Variants in MAGI1 observed in about 807,000 individuals in gnomAD.
MAGI1 encodes the protein membrane-associated guanylate kinase, WW and PDZ domain-containing protein 1.
Under a neutral mutation model 139.9 loss-of-function variants are expected in MAGI1, and 58 were observed. The observed-to-expected ratio is 0.41, with a 90% CI of 0.34 to 0.52. MAGI1 has a LOEUF of 0.52. MAGI1 is among the 20% of genes least tolerant of loss of function. MAGI1 has a pLI of 0.12. For missense variants in MAGI1, 1,874 were observed against 1,901.6 expected, an observed-to-expected ratio of 0.99 and a Z score of 0.27; for synonymous variants, 812 against 737.9, an observed-to-expected ratio of 1.10 and a Z score of -1.63.
chr3:65,692,692 GGCTCTGT>G (rs757285540), intron 1 of MAGI1, among the ~76,000 whole-genome samples: 1 of 152,102 alleles, frequency 6.6e-6, no homozygotes, highest in Non-Finnish European at 1.5e-5. Context: ...GGGTCATGAG[GGCTCTGT>G]CCTCATGAAT....
intron 2 of MAGI1, among the ~76,000 whole-genome samples, chr3:65,573,207 A>AT (rs1559683183): frequency 6.6e-6 from 1 of 152,070 alleles, no homozygotes; most frequent in Non-Finnish European, 1.5e-5. Flanking sequence ...TATACAACTC[A>AT]TTTTTTCTAC....
At chr3:65,424,858 C>T (rs1411153687) in intron 12 of MAGI1, among the ~76,000 whole-genome samples, 1 of 152,044 alleles carries the variant, frequency 6.6e-6, no homozygotes, top group African/African-American at 2.4e-5. Flanking sequence ...GGTTGTATAT[C>T]AGAATCACCA....
At chr3:66,027,787 G>A (rs971312171) in intron 1 of MAGI1, among the ~76,000 whole-genome samples, 3 of 152,138 alleles carry the variant, frequency 2.0e-5, no homozygotes, top group East Asian at 3.9e-4. Context: ...CTGACATTTT[G>A]GGCTGGATAA....
At chr3:65,646,949 A>C (rs1488449968) in intron 1 of MAGI1, among the ~76,000 whole-genome samples, 1 of 152,010 alleles carries the variant, frequency 6.6e-6, no homozygotes, top group Non-Finnish European at 1.5e-5. Flanking sequence ...AAATCAATAA[A>C]CTCTCTTATC....
At chr3:65,506,610 A>T (rs1227784089) in intron 2 of MAGI1, among the ~76,000 whole-genome samples, 1 of 152,174 alleles carries the variant, frequency 6.6e-6, no homozygotes, top group Non-Finnish European at 1.5e-5. Context: ...CAAAGTCAAC[A>T]CATTCTATAA....
At chr3:65,451,054 A>G (rs145495322) in intron 6 of MAGI1, among the ~76,000 whole-genome samples, 1,969 of 152,324 alleles carry the variant, frequency 0.013, 27 homozygotes, top group African/African-American at 0.042. Context: ...TATTAAAGAG[A>G]TAATTATAAA....
At chr3:65,574,712 A>G (rs2081102580) in intron 2 of MAGI1, among the ~76,000 whole-genome samples, 1 of 152,106 alleles carries the variant, frequency 6.6e-6, no homozygotes, top group Non-Finnish European at 1.5e-5. Context: ...TCAAGACATT[A>G]TAAATCTCCA....
chr3:65,671,264 G>A (rs2086840887), intron 1 of MAGI1, among the ~76,000 whole-genome samples: 1 of 152,184 alleles, frequency 6.6e-6, no homozygotes, highest in East Asian at 1.9e-4. Flanking sequence ...TAAAGCAGGT[G>A]TTTCTCAATC....
intron 1 of MAGI1, among the ~76,000 whole-genome samples, chr3:65,843,114 T>A (rs899738223): frequency 2.0e-5 from 3 of 152,200 alleles, no homozygotes; most frequent in African/African-American, 7.2e-5. Flanking sequence ...GACTCAATTC[T>A]AATAAAAAGA....
chr3:65,931,224 G>C (rs1156755803), intron 1 of MAGI1, among the ~76,000 whole-genome samples: 1 of 152,082 alleles, frequency 6.6e-6, no homozygotes, highest in Non-Finnish European at 1.5e-5. Context: ...TAGTAGAGAT[G>C]AGGTTTCACT....
At chr3:65,548,522 T>C (rs1430366048) in intron 2 of MAGI1, among the ~76,000 whole-genome samples, 1 of 115,480 alleles carries the variant, frequency 8.7e-6, no homozygotes, top group East Asian at 2.3e-4. Context: ...TTTTTTTTTT[T>C]TTTTTTTTTT....
chr3:65,364,798 T>A (rs923524408), intron 19 of MAGI1, 55 bp downstream of exon 19: 9 of 1,607,442 alleles, frequency 5.6e-6, no homozygotes, highest in East Asian at 4.5e-5. Context: ...ACATATATTG[T>A]CATGCTGGGA....
At chr3:65,996,364 G>C (rs1576401649) in intron 1 of MAGI1, among the ~76,000 whole-genome samples, 2 of 151,898 alleles carry the variant, frequency 1.3e-5, no homozygotes, top group Admixed American at 6.6e-5. Flanking sequence ...AATTAACAGT[G>C]CAACACTTCA....
At chr3:65,919,283 C>G (rs188545607) in intron 1 of MAGI1, among the ~76,000 whole-genome samples, 211 of 152,248 alleles carry the variant, frequency 1.4e-3, no homozygotes, top group African/African-American at 4.9e-3. Context: ...ACACAAGGGC[C>G]AGATGTAATG....
chr3:65,934,695 T>A (rs2062964162), intron 1 of MAGI1, among the ~76,000 whole-genome samples: 1 of 151,848 alleles, frequency 6.6e-6, no homozygotes, highest in Non-Finnish European at 1.5e-5. Flanking sequence ...CCCAACCTAA[T>A]TATAAAACCG....
At chr3:65,390,870 AT>A (rs1943869245) in intron 14 of MAGI1, among the ~76,000 whole-genome samples, 1 of 152,146 alleles carries the variant, frequency 6.6e-6, no homozygotes, top group Admixed American at 6.5e-5. Context: ...CTTATCTACC[AT>A]TCCTTTTAAC....
intron 2 of MAGI1, among the ~76,000 whole-genome samples, chr3:65,518,479 G>T (rs889195207): frequency 2.6e-5 from 4 of 152,082 alleles, no homozygotes; most frequent in Admixed American, 6.6e-5. Context: ...TAATCATTTG[G>T]ACATTTTATT....
At position 65,897,891 on chromosome 3, in the gene MAGI1, A is replaced by AG. The variant is rs199888698; in HGVS notation, c.313+140104dup. Reference sequence around the variant, plus strand: ...AAAATAAAAAAAGAAAGAAAGGAAAAGGGGGGAAAAAAAAAACTTAATGGA... The same window carrying AG: ...AAAATAAAAAAAGAAAGAAAGGAAAAGGGGGGGAAAAAAAAAACTTAATGGA... On this transcript the variant is annotated intron_variant, in intron 1 of 22. Coordinates refer to ENST00000402939, the MANE Select transcript of MAGI1 (RefSeq NM_001033057.2). 8.8e-4 allele frequency among the ~76,000 whole-genome samples: 100 copies of AG among 113,432 alleles called. 2 individuals carry two copies. The highest frequency in any genetic ancestry group is 9.8e-3 in the Middle Eastern group (2 of 204). The allele number at this position is 113,432 out of a possible 152,430, so 74.4% of individuals were successfully genotyped here.
intron 1 of MAGI1, among the ~76,000 whole-genome samples, chr3:65,671,688 C>T (rs543507363): frequency 6.6e-6 from 1 of 152,228 alleles, no homozygotes; most frequent in African/African-American, 2.4e-5. Context: ...AAGTTACTTG[C>T]CCTCTCTGTG....
Sources: gnomAD v4.1 joint callset for allele counts (sites outside exome capture counted in the v4.1 genomes callset) on GRCh38, gnomAD v4.1.1 for gene constraint, MANE v1.5 for transcripts, NCBI Gene and HGNC (gene_info 2026-07-23, HGNC 2026-07-21) for gene names.